Variants in OTUD7B observed in about 807,000 individuals in gnomAD.
The protein encoded by OTUD7B is OTU deubiquitinase 7B, also known as OTU domain-containing protein 7B.
Under a neutral mutation model 82.2 loss-of-function variants are expected in OTUD7B, and 34 were observed. The ratio of observed to expected loss-of-function variants is 0.41; its 90% confidence interval spans 0.31 to 0.55. The LOEUF (loss-of-function observed/expected upper bound fraction) is 0.55, where lower values mean the gene tolerates loss of function less well. Ranked by LOEUF, OTUD7B falls within the 20% of genes least tolerant of loss-of-function variation. OTUD7B has a pLI of 0.20. For missense variants in OTUD7B, 944 were observed against 1,062.1 expected (o/e 0.89, Z 1.55); for synonymous variants, 398 against 402.7 (o/e 0.99, Z 0.14).
intron 1 of OTUD7B, among the ~76,000 whole-genome samples, chr1:149,999,090 C>T (rs587673468): frequency 6.6e-6 from 1 of 152,256 alleles, no homozygotes; most frequent in African/African-American, 2.4e-5. Context: ...CCCCAGATTC[C>T]AGTGCACAGC....
chr1:150,034,488 G>A, the OTUD7B span, among the ~76,000 whole-genome samples: 4 of 152,188 alleles, frequency 2.6e-5, no homozygotes, highest in Admixed American at 2.6e-4. Flanking sequence ...AAGAATGCCA[G>A]TGACAGAATT....
the OTUD7B span, among the ~76,000 whole-genome samples, chr1:150,019,588 A>T: frequency 3.8e-3 from 575 of 152,296 alleles, 2 homozygotes; most frequent in Middle Eastern, 0.014. Flanking sequence ...GTTGGCCTCG[A>T]ACTCCTGAAC....
the OTUD7B span, among the ~76,000 whole-genome samples, chr1:150,027,536 G>A: frequency 6.6e-6 from 1 of 152,152 alleles, no homozygotes; most frequent in South Asian, 2.1e-4. Flanking sequence ...ACACTGAGCT[G>A]AGATCAGGCC....
chr1:150,031,488 C>G, the OTUD7B span, among the ~76,000 whole-genome samples: 1 of 152,286 alleles, frequency 6.6e-6, no homozygotes. Context: ...AAGCACATGC[C>G]TAGGCAATAA....
At chr1:150,063,485 T>C in the OTUD7B span, among the ~76,000 whole-genome samples, 2 of 152,140 alleles carry the variant, frequency 1.3e-5, no homozygotes, top group Admixed American at 6.5e-5. Flanking sequence ...TGTGGAGTGG[T>C]TGCAATACAG....
chr1:149,944,524 T>C lies in OTUD7B; in HGVS notation c.1865A>G (p.Gln622Arg). 6.2e-7 allele frequency: 1 copy of C among 1,614,100 alleles called. No homozygotes were observed. The highest frequency in any genetic ancestry group is 8.5e-7 in the Non-Finnish European group (1 of 1,180,022). ...GCGCTGGATCATTTCCTCCTGATAC[T>C]GGTGACGGTGACCCATCTTCAGGGT... is the stretch of plus-strand genomic sequence containing the variant. ...VGTLKMGHRH[Q>R]YQEEMIQRYL... The change falls in exon 12 of 12, where the codon CAG (glutamine) becomes CGG (arginine). Residue 622 changes from glutamine (Q) to arginine (R), a missense_variant. By Grantham distance (43) the Gln-to-Arg change is conservative (BLOSUM62 1). Coordinates refer to ENST00000581312, the MANE Select transcript of OTUD7B (RefSeq NM_020205.4).
In OTUD7B at chr1:149,944,127, G is replaced by C; in HGVS notation, c.2262C>G (p.His754Gln). ...CACCCCTGTGAAGTCCATCCTTAGA[G>C]TGGCTGCCTGGCTCCAGAGAAGGGA... ...DSIPSLEPGS[H>Q]SKDGLHRGAL... Residue 754 changes from histidine (H) to glutamine (Q), a missense_variant, in exon 12 of 12, where the codon CAC (histidine) becomes CAG (glutamine). Coordinates refer to ENST00000581312, the MANE Select transcript of OTUD7B (RefSeq NM_020205.4). 1 of 1,614,104 alleles carries C rather than the reference G, an allele frequency of 6.2e-7. No individual in the cohort carries two copies. The highest frequency in any genetic ancestry group is 8.5e-7 in the Non-Finnish European group (1 of 1,179,990).
At chr1:149,980,712 G>A (rs1490296875) in intron 1 of OTUD7B, among the ~76,000 whole-genome samples, 3 of 150,802 alleles carry the variant, frequency 2.0e-5, no homozygotes, top group African/African-American at 4.9e-5. Context: ...ACTCTGTCTC[G>A]AAAAAAACAA....
At chr1:150,030,147 T>C in the OTUD7B span, among the ~76,000 whole-genome samples, 4 of 152,222 alleles carry the variant, frequency 2.6e-5, no homozygotes, top group Non-Finnish European at 4.4e-5. Flanking sequence ...GCTTCTCTCA[T>C]TCCTTCAGTC....
At chr1:150,019,508 C>T in the OTUD7B span, among the ~76,000 whole-genome samples, 32 of 152,240 alleles carry the variant, frequency 2.1e-4, no homozygotes, top group African/African-American at 7.5e-4. Flanking sequence ...GCTGGAATTA[C>T]AGGCATGGGC....
chr1:150,005,758 C>T (rs1652620029), intron 1 of OTUD7B, among the ~76,000 whole-genome samples: 1 of 152,018 alleles, frequency 6.6e-6, no homozygotes, highest in Non-Finnish European at 1.5e-5. Flanking sequence ...AGAGCCTCTA[C>T]AAAGCACAAG....
chr1:150,045,659 T>A, the OTUD7B span, among the ~76,000 whole-genome samples: 2,459 of 152,310 alleles, frequency 0.016, 64 homozygotes, highest in African/African-American at 0.057. Flanking sequence ...TTGTAACTTA[T>A]GGCCATCTTC....
the OTUD7B span, among the ~76,000 whole-genome samples, chr1:150,044,858 T>C: frequency 2.0e-5 from 3 of 150,790 alleles, no homozygotes; most frequent in African/African-American, 4.9e-5. Context: ...ATGTATTAGT[T>C]ACCTGTGAAA....
intron 1 of OTUD7B, among the ~76,000 whole-genome samples, chr1:150,003,175 G>A (rs587628215): frequency 7.2e-5 from 11 of 151,742 alleles, no homozygotes; most frequent in East Asian, 1.9e-4. Context: ...GCGTGAACCC[G>A]GGAGGCGGAG....
chr1:150,030,332 T>A, the OTUD7B span, among the ~76,000 whole-genome samples: 3 of 152,146 alleles, frequency 2.0e-5, no homozygotes, highest in African/African-American at 7.2e-5. Flanking sequence ...GAATCTATCC[T>A]TATCTCACAC....
chr1:150,010,770 G>C (rs1314536981), upstream of OTUD7B: 1 of 152,110 alleles, frequency 6.6e-6, no homozygotes, highest in African/African-American at 2.4e-5. Flanking sequence ...GTTTCCGGCC[G>C]GAGCGGGTTG....
chr1:150,058,177 T>G, the OTUD7B span, among the ~76,000 whole-genome samples: 12 of 152,140 alleles, frequency 7.9e-5, 1 homozygote, highest in African/African-American at 2.9e-4. Context: ...CTACTCAAAA[T>G]GTGGTCCATG....
chr1:149,971,272 A>C, intron 2 of OTUD7B, 21 bp from the exon 3 acceptor site: 2 of 1,584,622 alleles, frequency 1.3e-6, no homozygotes, highest in Non-Finnish European at 1.7e-6. Flanking sequence ...ACAAAGCAAA[A>C]AGCAAACTGT....
In OTUD7B at chr1:149,959,682, A is replaced by G. The variant is rs1648994883; in HGVS notation, c.845+2T>C. Reference sequence around the variant, plus strand: ...CCTCCTCCCCTACTTAGCCATACTTACCCACCACAGTTGGCTCCATTGGTA... The same window carrying G: ...CCTCCTCCCCTACTTAGCCATACTTGCCCACCACAGTTGGCTCCATTGGTA... On this transcript the variant is annotated splice_donor_variant, in intron 7 of 11. Coordinates refer to ENST00000581312, the MANE Select transcript of OTUD7B (RefSeq NM_020205.4). LOFTEE classifies it high-confidence loss of function. The G allele has an allele frequency of 6.3e-7, 1 of 1,596,892 alleles. No individual in the cohort carries two copies. The highest frequency in any genetic ancestry group is 8.6e-7 in the Non-Finnish European group (1 of 1,164,660).
Sources: gnomAD v4.1 joint callset for allele counts (sites outside exome capture counted in the v4.1 genomes callset) on GRCh38, gnomAD v4.1.1 for gene constraint, MANE v1.5 for transcripts, NCBI Gene and HGNC (gene_info 2026-07-23, HGNC 2026-07-21) for gene names.